LPP: variants seen among roughly 807,000 people sequenced by gnomAD.
The protein encoded by LPP is LIM domain containing preferred translocation partner in lipoma.
A neutral mutation model predicts 60.4 loss-of-function variants in LPP; 38 were observed. That is an observed-to-expected ratio of 0.63 (90% CI 0.49 to 0.83). LPP has a LOEUF of 0.83. Among genes scored for constraint, LPP ranks in the 40% least tolerant of loss-of-function variants. The probability of loss-of-function intolerance (pLI) is 0.00; values close to 1 mark genes in which losing one functional copy is unlikely to be tolerated. For missense variants in LPP, 902 were observed against 783.6 expected (o/e 1.15, Z -1.80); for synonymous variants, 328 against 290.8 (o/e 1.13, Z -1.30).
intron 8 of LPP, among the ~76,000 whole-genome samples, chr3:188,746,014 C>T (rs1013478883): frequency 2.0e-5 from 3 of 152,150 alleles, no homozygotes; most frequent in African/African-American, 7.2e-5. Context: ...TTTCCCATAT[C>T]GCATGGATAG....
intron 7 of LPP, among the ~76,000 whole-genome samples, chr3:188,674,625 C>G (rs1399848897): frequency 6.6e-6 from 1 of 152,178 alleles, no homozygotes; most frequent in African/African-American, 2.4e-5. Flanking sequence ...TACTTTTCAA[C>G]AAACATTGGG....
rs553283449 is a variant in LPP, at chr3:188,480,613, T to C, written c.194-3979T>C. On this transcript the variant is annotated intron_variant, in intron 4 of 11. Transcript: ENST00000617246. ...ACATTTCCATTTTAGATTTGATACA[T>C]CGCTGCCAATTGCCGGATGGCATTT... Among the ~76,000 whole-genome samples the C allele has an allele frequency of 3.9e-5, 6 of 152,310 alleles. No homozygotes were observed. The South Asian group carries it at 1.2e-3, about 32-fold the overall frequency.
Position 188,227,408 on chromosome 3 carries a change from G to A in LPP, c.-67+1881G>A, listed in dbSNP as rs901558073. Reference sequence around the variant, plus strand: ...TGTGTCCATGTGTTCTCATTGTTCAGTTCCCACCTATGAGCAGACTGGAAG... The same window carrying A: ...TGTGTCCATGTGTTCTCATTGTTCAATTCCCACCTATGAGCAGACTGGAAG... On this transcript the variant is annotated intron_variant, in intron 2 of 11. Transcript: ENST00000617246. 5.3e-4 allele frequency among the ~76,000 whole-genome samples: 70 copies of A among 132,738 alleles called. 1 individual carries two copies. Among genetic ancestry groups the A allele is most frequent in the African/African-American group, 2.0e-3 (68 of 34,608 alleles). 87.1% of individuals were successfully genotyped at this position (132,738 alleles called of 152,430 possible).
At chr3:188,161,491 A>G (rs1184245794) in intron 1 of LPP, among the ~76,000 whole-genome samples, 2 of 152,194 alleles carry the variant, frequency 1.3e-5, no homozygotes, top group Admixed American at 6.5e-5. Flanking sequence ...TTTGTAGTCA[A>G]CAGGAGAAGC....
At chr3:188,258,665 G>A (rs559071070) in intron 2 of LPP, among the ~76,000 whole-genome samples, 1 of 152,218 alleles carries the variant, frequency 6.6e-6, no homozygotes, top group South Asian at 2.1e-4. Flanking sequence ...GGCTAGGTTG[G>A]GGTTCTCGCT....
chr3:188,521,786 G>T (rs557255696), intron 5 of LPP, among the ~76,000 whole-genome samples: 5 of 152,120 alleles, frequency 3.3e-5, no homozygotes, highest in African/African-American at 1.2e-4. Context: ...GAAAACTATG[G>T]CCCAGGGAAA....
intron 6 of LPP, among the ~76,000 whole-genome samples, chr3:188,548,761 G>A (rs1827311866): frequency 6.6e-6 from 1 of 152,184 alleles, no homozygotes; most frequent in Non-Finnish European, 1.5e-5. Context: ...AAAGTAGGAA[G>A]AGAGGCAAGG....
chr3:188,728,765 A>T lies in LPP; in HGVS notation c.1240+20372A>T, dbSNP rs550331034. Among the ~76,000 whole-genome samples the T allele has an allele frequency of 2.0e-4, 30 of 152,294 alleles. 1 individual carries two copies. The South Asian group carries it at 6.2e-3, about 32-fold the overall frequency. ...TAGTGAGTTGGTATGTCTACTAATG[A>T]CACAGTAGATTATAAGGTTATTTGG... On this transcript the variant is annotated intron_variant, in intron 8 of 11. Coordinates refer to ENST00000617246, the MANE Select transcript of LPP (RefSeq NM_001375462.1).
At chr3:188,228,615 C>A (rs1718693638) in intron 2 of LPP, among the ~76,000 whole-genome samples, 1 of 152,206 alleles carries the variant, frequency 6.6e-6, no homozygotes, top group African/African-American at 2.4e-5. Context: ...AAGACCCTGT[C>A]TCTACAACTA....
intron 6 of LPP, among the ~76,000 whole-genome samples, chr3:188,592,354 TCACA>T: frequency 6.7e-6 from 1 of 149,580 alleles, no homozygotes; most frequent in South Asian, 2.1e-4. Flanking sequence ...ACGCACACAG[TCACA>T]CACACACACA....
At chr3:188,241,514 T>A (rs1724824887) in intron 2 of LPP, among the ~76,000 whole-genome samples, 1 of 152,246 alleles carries the variant, frequency 6.6e-6, no homozygotes, top group South Asian at 2.1e-4. Context: ...TATGTTGATT[T>A]GTTTTTATTT....
intron 3 of LPP, among the ~76,000 whole-genome samples, chr3:188,384,365 C>T (rs1231933486): frequency 8.8e-6 from 1 of 114,020 alleles, no homozygotes; most frequent in African/African-American, 3.3e-5. Flanking sequence ...TATAGATCTA[C>T]ATACATGTGT....
intron 2 of LPP, among the ~76,000 whole-genome samples, chr3:188,337,796 G>GTA (rs1762068348): frequency 1.3e-5 from 2 of 152,134 alleles, no homozygotes; most frequent in Non-Finnish European, 2.9e-5. Context: ...CATCGTGCCT[G>GTA]GCCCAGTTAT....
At position 188,875,885 on chromosome 3, in the gene LPP, G is replaced by A. The variant is rs946869837; in HGVS notation, c.*1406G>A. The A allele has an allele frequency of 4.2e-5, 8 of 188,540 alleles. No homozygotes were observed. The highest frequency in any genetic ancestry group is 1.9e-4 in the African/African-American group (8 of 42,826). The allele number at this position is 188,540 out of a possible 1,614,324, so 11.7% of individuals were successfully genotyped here. A position where few individuals can be genotyped will look rare whatever the true frequency, so the allele number is the denominator to read the frequency against. ...CTTAGTCATGGCAAGTTGCCATTTT[G>A]TAAACTAAGGATTTTGGACTGAGAT... is the stretch of plus-strand genomic sequence containing the variant. On this transcript the variant is annotated 3_prime_UTR_variant, in exon 12 of 12. Transcript: ENST00000617246.
chr3:188,536,501 G>A (rs900142771), intron 6 of LPP, among the ~76,000 whole-genome samples: 7 of 152,148 alleles, frequency 4.6e-5, no homozygotes, highest in Non-Finnish European at 8.8e-5. Context: ...TCTAAGTCAT[G>A]CTTTTTAAGT....
intron 7 of LPP, among the ~76,000 whole-genome samples, chr3:188,695,180 A>T (rs1862984333): frequency 6.6e-6 from 1 of 152,232 alleles, no homozygotes. Context: ...AGAATACCTT[A>T]TTTATACTCT....
At chr3:188,373,235 C>T (rs1578414014) in intron 3 of LPP, among the ~76,000 whole-genome samples, 1 of 152,280 alleles carries the variant, frequency 6.6e-6, no homozygotes, top group East Asian at 1.9e-4. Context: ...AATGGGATGG[C>T]TGGGTCAAAT....
intron 1 of LPP, among the ~76,000 whole-genome samples, chr3:188,170,905 C>A (rs1721409552): frequency 6.6e-6 from 1 of 152,188 alleles, no homozygotes; most frequent in Non-Finnish European, 1.5e-5. Flanking sequence ...ATGGAACATG[C>A]TAGATGAGGT....
chr3:188,771,562 AAAAAGAAAG>A (rs1245771288), intron 9 of LPP, among the ~76,000 whole-genome samples: 3 of 119,800 alleles, frequency 2.5e-5, no homozygotes, highest in Non-Finnish European at 5.1e-5. Flanking sequence ...AAAAAAAAAA[AAAAAGAAAG>A]AAAGAAAGAA....
Sources: gnomAD v4.1 joint callset for allele counts (sites outside exome capture counted in the v4.1 genomes callset) on GRCh38, gnomAD v4.1.1 for gene constraint, MANE v1.5 for transcripts, NCBI Gene and HGNC (gene_info 2026-07-23, HGNC 2026-07-21) for gene names.